WLS: variants seen among roughly 807,000 people sequenced by gnomAD.
WLS encodes protein wntless homolog.
WLS carries 23 observed loss-of-function variants against 62.8 expected under a neutral mutation model. The observed-to-expected ratio is 0.37, with a 90% CI of 0.26 to 0.52. The LOEUF (loss-of-function observed/expected upper bound fraction) is 0.52. Ranked by LOEUF, WLS falls within the 20% of genes least tolerant of loss-of-function variation. WLS has a pLI of 0.92. For synonymous variants in WLS, 246 were observed against 244.1 expected, an observed-to-expected ratio of 1.01 and a Z score of -0.07; for missense variants, 615 against 697.3, an observed-to-expected ratio of 0.88 and a Z score of 1.33.
At chr1:68,114,282 T>G (rs904886671) in intron 11 of WLS, among the ~76,000 whole-genome samples, 4 of 152,160 alleles carry the variant, frequency 2.6e-5, no homozygotes, top group African/African-American at 4.8e-5. Flanking sequence ...CTGGTTAACT[T>G]GTGGCATAAG....
At chr1:68,131,642 T>C (rs1194920226) in intron 11 of WLS, among the ~76,000 whole-genome samples, 2 of 152,062 alleles carry the variant, frequency 1.3e-5, no homozygotes, top group Non-Finnish European at 2.9e-5. Flanking sequence ...TAGAACTTAT[T>C]AGTTTGGGGG....
chr1:68,189,919 G>C (rs1174581894), intron 2 of WLS, among the ~76,000 whole-genome samples: 1 of 152,202 alleles, frequency 6.6e-6, no homozygotes, highest in Admixed American at 6.5e-5. Context: ...TGAGGCAGGA[G>C]AATCTCTTGA....
chr1:68,102,483 C>T (rs1411159710), intron 11 of WLS, among the ~76,000 whole-genome samples: 1 of 152,158 alleles, frequency 6.6e-6, no homozygotes, highest in Non-Finnish European at 1.5e-5. Context: ...CTCCATGTTT[C>T]TGCACCACAG....
At chr1:68,101,523 A>G (rs1646078285) in intron 11 of WLS, among the ~76,000 whole-genome samples, 1 of 152,198 alleles carries the variant, frequency 6.6e-6, no homozygotes, top group African/African-American at 2.4e-5. Flanking sequence ...CAAAGACAGA[A>G]GGGTTGCAGG....
At chr1:68,184,406 T>C (rs1409254800) in intron 2 of WLS, among the ~76,000 whole-genome samples, 1 of 152,206 alleles carries the variant, frequency 6.6e-6, no homozygotes, top group African/African-American at 2.4e-5. Context: ...TAAAAAATGG[T>C]ATATTTGGGA....
At chr1:68,118,642 A>C (rs962740381) in intron 11 of WLS, among the ~76,000 whole-genome samples, 1 of 152,010 alleles carries the variant, frequency 6.6e-6, no homozygotes, top group African/African-American at 2.4e-5. Flanking sequence ...TTGGGAAGCC[A>C]AGACGGGCAA....
chr1:68,098,471 G>A, downstream of WLS: 5 of 1,151,944 alleles, frequency 4.3e-6, no homozygotes, highest in Non-Finnish European at 5.9e-6. Context: ...AGAGAAGTAA[G>A]ACAATACTCA....
At position 68,159,145 on chromosome 1, in the gene WLS, T is replaced by A. The variant is rs756953785; in HGVS notation, c.482A>T (p.Lys161Ile). Residue 161 changes from lysine (K) to isoleucine (I), a missense_variant, in exon 3 of 12, where the codon AAA becomes ATA. Physicochemically the swap from Lys to Ile is moderately radical, Grantham distance 102 (BLOSUM62 -3). Transcript: ENST00000262348. ...TACCTTGGGAGATGTGAAGGTGCAT[T>A]TGAGTTTCCGTGGTACTCTTTCATG... ...MAHERVPRKLKCTFTSPKTPE... is the reference protein window; with the variant it reads ...MAHERVPRKLICTFTSPKTPE... The A allele has an allele frequency of 1.9e-6, 3 of 1,614,140 alleles. No individual in the cohort carries two copies. The highest frequency in any genetic ancestry group is 2.5e-6 in the Non-Finnish European group (3 of 1,180,012).
chr1:68,207,782 C>T (rs966286298), intron 1 of WLS, among the ~76,000 whole-genome samples: 2 of 152,158 alleles, frequency 1.3e-5, no homozygotes, highest in African/African-American at 4.8e-5. Flanking sequence ...AAAAGGTACT[C>T]GCCTCCTAAA....
At chr1:68,217,962 A>G (rs1348344927) in intron 1 of WLS, among the ~76,000 whole-genome samples, 1 of 152,226 alleles carries the variant, frequency 6.6e-6, no homozygotes, top group Non-Finnish European at 1.5e-5. Flanking sequence ...GTCTCACAGC[A>G]ATTAAGCAGA....
At chr1:68,133,083 A>G (rs1422996228) in intron 11 of WLS, among the ~76,000 whole-genome samples, 1 of 152,328 alleles carries the variant, frequency 6.6e-6, no homozygotes, top group Middle Eastern at 3.4e-3. Flanking sequence ...CAGCAGCAGC[A>G]GGGCAGAAAA....
intron 2 of WLS, among the ~76,000 whole-genome samples, chr1:68,193,533 A>C (rs2100604125): frequency 6.7e-6 from 1 of 150,238 alleles, no homozygotes. Context: ...CCATAGCTTT[A>C]CTCAAAGCCC....
chr1:68,133,786 C>T (rs1308806107), intron 11 of WLS, among the ~76,000 whole-genome samples: 3 of 152,206 alleles, frequency 2.0e-5, no homozygotes, highest in African/African-American at 7.2e-5. Context: ...CCCACTTCTA[C>T]TTCCTCCTGA....
chr1:68,102,263 C>T (rs1044359234), intron 11 of WLS, among the ~76,000 whole-genome samples: 9 of 152,120 alleles, frequency 5.9e-5, no homozygotes, highest in Admixed American at 5.2e-4. Context: ...CTTTTTACTT[C>T]TTCCCAAGGG....
chr1:68,228,304 C>A, intron 1 of WLS: 1 of 422,578 alleles, frequency 2.4e-6, no homozygotes, highest in Non-Finnish European at 4.6e-6. Context: ...GATCTTCATA[C>A]TCTTAGCAGT....
chr1:68,117,869 GTCCTTCCCAATTA>G (rs1330476742), intron 11 of WLS: 2 of 152,040 alleles, frequency 1.3e-5, no homozygotes, highest in African/African-American at 4.8e-5. Context: ...GCTAGATCCT[GTCCTTCCCAATTA>G]TGATCCAAAA....
intron 1 of WLS, among the ~76,000 whole-genome samples, chr1:68,198,657 A>G (rs141368064): frequency 6.6e-5 from 10 of 152,314 alleles, no homozygotes; most frequent in African/African-American, 1.7e-4. Flanking sequence ...CCTGATAGGC[A>G]CCAACCATAT....
At position 68,145,952 on chromosome 1, in the gene WLS, T is replaced by C. The variant is rs1224245364; in HGVS notation, c.1195A>G (p.Met399Val). Residue 399 changes from methionine to valine, a missense_variant, in exon 9 of 12, where the codon ATG (methionine) becomes GTG (valine). By Grantham distance (21) the Met-to-Val change is conservative. Transcript: ENST00000262348. ...ATGTTCCGAAACACCTGAAATACCATGAAGCATAGAAACAGGAAGTAGAGG... is the reference window on the plus strand; with the variant it reads ...ATGTTCCGAAACACCTGAAATACCACGAAGCATAGAAACAGGAAGTAGAGG... ...LCLYFLFLCFMVFQVFRNISG... is the reference protein window; with the variant it reads ...LCLYFLFLCFVVFQVFRNISG... 1.9e-6 allele frequency: 3 copies of C among 1,613,992 alleles called. No individual in the cohort carries two copies. Among genetic ancestry groups the C allele is most frequent in the Admixed American group, 1.7e-5 (1 of 59,994 alleles).
intron 1 of WLS, among the ~76,000 whole-genome samples, chr1:68,213,833 C>T (rs1341063160): frequency 1.3e-5 from 2 of 152,184 alleles, no homozygotes; most frequent in African/African-American, 4.8e-5. Flanking sequence ...TAGCCCATGG[C>T]TAACCTAGTT....
Sources: allele counts gnomAD v4.1 joint callset (sites outside exome capture counted in the v4.1 genomes callset), GRCh38; gene constraint gnomAD v4.1.1; transcripts MANE v1.5; gene names NCBI Gene and HGNC (gene_info 2026-07-23, HGNC 2026-07-21).